The following SV2C variants were observed in gnomAD, a reference collection of about 807,000 sequenced individuals.
SV2C encodes solute carrier family 22 member B3.
In SV2C, 49 loss-of-function variants were observed where a neutral mutation model predicts 79.7. The observed-to-expected ratio is 0.61, with a 90% CI of 0.49 to 0.78. The LOEUF (loss-of-function observed/expected upper bound fraction) is 0.78, where lower values mean the gene tolerates loss of function less well. Among genes scored for constraint, SV2C ranks in the 30% least tolerant of loss-of-function variants. The pLI is 0.00. For synonymous variants in SV2C, 334 were observed against 333.2 expected (o/e 1.00, Z -0.03); for missense variants, 833 against 912.9 (o/e 0.91, Z 1.13).
intron 1 of SV2C, among the ~76,000 whole-genome samples, chr5:76,127,354 A>G (rs975913785): frequency 3.9e-5 from 6 of 152,258 alleles, no homozygotes; most frequent in African/African-American, 1.4e-4. Flanking sequence ...GTGTTTTGCC[A>G]GAATAATGCC....
the SV2C span, among the ~76,000 whole-genome samples, chr5:75,948,808 A>G: frequency 1.3e-5 from 2 of 152,034 alleles, no homozygotes; most frequent in African/African-American, 2.4e-5. Context: ...GTGGGGAGAT[A>G]GGAAAGGAGA....
chr5:76,268,309 G>A (rs945580034), intron 4 of SV2C, among the ~76,000 whole-genome samples: 1 of 152,174 alleles, frequency 6.6e-6, no homozygotes, highest in African/African-American at 2.4e-5. Flanking sequence ...TGAGGGCTGA[G>A]AGACAATGAA....
At chr5:75,966,049 C>T in the SV2C span, among the ~76,000 whole-genome samples, 5 of 152,278 alleles carry the variant, frequency 3.3e-5, no homozygotes, top group East Asian at 9.7e-4. Flanking sequence ...ATTACAATTG[C>T]ATTCAGTCTG....
chr5:75,906,979 G>T, the SV2C span, among the ~76,000 whole-genome samples: 1 of 152,204 alleles, frequency 6.6e-6, no homozygotes, highest in Non-Finnish European at 1.5e-5. Flanking sequence ...TGTCAAGAGC[G>T]CTGATATTGA....
At chr5:76,161,297 G>T (rs1742890753) in intron 2 of SV2C, among the ~76,000 whole-genome samples, 1 of 152,142 alleles carries the variant, frequency 6.6e-6, no homozygotes, top group Admixed American at 6.5e-5. Context: ...ATGAAATGTG[G>T]TAAAGCTATT....
chr5:75,972,978 C>G, the SV2C span, among the ~76,000 whole-genome samples: 196 of 152,118 alleles, frequency 1.3e-3, 4 homozygotes, highest in Admixed American at 4.5e-3. Context: ...ACCTATATAC[C>G]ATGGAATACT....
At chr5:75,857,060 C>T in the SV2C span, among the ~76,000 whole-genome samples, 17 of 150,998 alleles carry the variant, frequency 1.1e-4, no homozygotes, top group African/African-American at 3.2e-4. Flanking sequence ...GGATTCAAGC[C>T]GATTCTCCTG....
intron 2 of SV2C, among the ~76,000 whole-genome samples, chr5:76,177,198 TATATACAAA>T (rs1299676316): frequency 0.066 from 1,247 of 18,796 alleles, 15 homozygotes; most frequent in African/African-American, 0.33. Flanking sequence ...TATATATTAA[TATATACAAA>T]TAATATATAC....
intron 2 of SV2C, among the ~76,000 whole-genome samples, chr5:76,170,003 A>T (rs1435314934): frequency 6.7e-6 from 1 of 148,318 alleles, no homozygotes; most frequent in African/African-American, 2.5e-5. Context: ...AATAAATAAC[A>T]ATTTTCTCTA....
rs1287578824 is a variant in SV2C at position 76,326,077 on chromosome 5, G to C, written c.*530G>C. ...AGCAGAGCCTTTCAAAGAAAACCAT[G>C]TGGCACCAAACAGGGCTGGGTGGGG... On this transcript the variant is annotated 3_prime_UTR_variant, in exon 13 of 13. Coordinates refer to ENST00000502798, the MANE Select transcript of SV2C (RefSeq NM_014979.4). 2 of 151,774 alleles carry C rather than the reference G, an allele frequency of 1.3e-5. No homozygotes were observed. Among genetic ancestry groups the C allele is most frequent in the African/African-American group, 4.9e-5 (2 of 41,218 alleles). 9.4% of individuals were successfully genotyped at this position (151,774 alleles called of 1,614,324 possible).
chr5:75,909,817 C>T, the SV2C span, among the ~76,000 whole-genome samples: 1 of 152,116 alleles, frequency 6.6e-6, no homozygotes, highest in African/African-American at 2.4e-5. Context: ...TAAAATTGTA[C>T]CTATTTGCCC....
the SV2C span, among the ~76,000 whole-genome samples, chr5:75,904,501 T>C: frequency 5.3e-5 from 8 of 151,870 alleles, no homozygotes; most frequent in African/African-American, 1.9e-4. Context: ...TTGGTGCAAA[T>C]TGATCAGAGC....
At chr5:75,848,820 G>T in the SV2C span, among the ~76,000 whole-genome samples, 1 of 152,128 alleles carries the variant, frequency 6.6e-6, no homozygotes, top group African/African-American at 2.4e-5. Flanking sequence ...AAGCAGCTGT[G>T]GTTTGAATCC....
At chr5:75,981,503 T>G in the SV2C span, among the ~76,000 whole-genome samples, 6 of 152,158 alleles carry the variant, frequency 3.9e-5, no homozygotes, top group Admixed American at 2.6e-4. Context: ...AACATGGTTC[T>G]GGTACAAAAA....
At chr5:75,971,090 C>T in the SV2C span, among the ~76,000 whole-genome samples, 5 of 151,926 alleles carry the variant, frequency 3.3e-5, no homozygotes, top group African/African-American at 1.2e-4. Flanking sequence ...ATTATCTCAA[C>T]AGATGCAGAA....
chr5:75,900,958 G>A, the SV2C span, among the ~76,000 whole-genome samples: 1 of 152,088 alleles, frequency 6.6e-6, no homozygotes, highest in Non-Finnish European at 1.5e-5. Context: ...GCACTTTTCT[G>A]TATTGGTTAT....
intron 9 of SV2C, among the ~76,000 whole-genome samples, chr5:76,298,399 G>A (rs1396899058): frequency 1.3e-5 from 2 of 152,110 alleles, no homozygotes; most frequent in African/African-American, 2.4e-5. Flanking sequence ...TTAAGTTAGA[G>A]CCATTAACCC....
chr5:76,305,631 G>GA (rs1748161606), intron 12 of SV2C, among the ~76,000 whole-genome samples: 2 of 152,068 alleles, frequency 1.3e-5, no homozygotes, highest in Admixed American at 1.3e-4. Context: ...ATCCTACCTA[G>GA]ATCGTTTGAT....
chr5:75,948,319 T>C, the SV2C span, among the ~76,000 whole-genome samples: 2 of 152,070 alleles, frequency 1.3e-5, no homozygotes, highest in Non-Finnish European at 2.9e-5. Flanking sequence ...CAGCTTTCTT[T>C]ACTGCATGGT....
Sources: gnomAD v4.1 joint callset for allele counts (sites outside exome capture counted in the v4.1 genomes callset) on GRCh38, gnomAD v4.1.1 for gene constraint, MANE v1.5 for transcripts, NCBI Gene and HGNC (gene_info 2026-07-23, HGNC 2026-07-21) for gene names.